Variants in PNOC observed in about 807,000 individuals in gnomAD.
PNOC encodes the protein nociceptin.
PNOC carries 10 observed loss-of-function variants against 15.6 expected under a neutral mutation model. That is an observed-to-expected ratio of 0.64 (90% confidence interval 0.40 to 1.09). PNOC has a LOEUF of 1.09. Ranked by LOEUF, PNOC falls within the 50% of genes least tolerant of loss-of-function variation. The probability of loss-of-function intolerance (pLI) is 0.01; values close to 1 mark genes in which losing one functional copy is unlikely to be tolerated. For synonymous variants in PNOC, 98 were observed against 88.5 expected, an observed-to-expected ratio of 1.11 and a Z score of -0.60; for missense variants, 220 against 223.9, an observed-to-expected ratio of 0.98 and a Z score of 0.11.
chr8:28,328,846 G>C (rs543037332), intron 1 of PNOC, among the ~76,000 whole-genome samples: 1 of 152,110 alleles, frequency 6.6e-6, no homozygotes, highest in Non-Finnish European at 1.5e-5. Flanking sequence ...ATGAGGTGTC[G>C]AGGCCAGCCA....
At chr8:28,318,013 G>C (rs540892466) in intron 1 of PNOC, among the ~76,000 whole-genome samples, 2 of 152,170 alleles carry the variant, frequency 1.3e-5, no homozygotes, top group East Asian at 3.9e-4. Context: ...TCATTTAGAG[G>C]GCTCTTCTCT....
At chr8:28,339,592 CT>C (rs1801480055) in intron 3 of PNOC, 101 bp downstream of exon 3, 1 of 931,612 alleles carries the variant, frequency 1.1e-6, no homozygotes, top group Admixed American at 3.3e-5. Context: ...TCCCCGCCCC[CT>C]CCCCACTCCA....
chr8:28,324,774 A>T (rs1326887640), intron 1 of PNOC, among the ~76,000 whole-genome samples: 1 of 152,046 alleles, frequency 6.6e-6, no homozygotes, highest in Non-Finnish European at 1.5e-5. Flanking sequence ...GAGGCAAGAG[A>T]ATTGCTTGAA....
At position 28,339,032 on chromosome 8, in the gene PNOC, C is replaced by G; in HGVS notation, c.127-8C>G. The stretch of plus-strand genomic sequence containing the variant: ...CCTTCTCCCCTCCTCTCACCCGTAT[C>G]TTTGCAGGTGTGCATCCTCGAGTGT... On this transcript the variant is annotated splice_region_variant and splice_polypyrimidine_tract_variant and intron_variant, in intron 2 of 3. Transcript: ENST00000301908. The G allele has an allele frequency of 6.4e-7, 1 of 1,572,988 alleles. No individual in the cohort carries two copies.
rs184278976 is a variant in PNOC at position 28,331,460 on chromosome 8, C to T, written c.126+2177C>T. On this transcript the variant is annotated intron_variant, in intron 2 of 3. Transcript: ENST00000301908. ...CCACTCCCTACACATAAAGGATCGC[C>T]AAGATTCTCTGCTTTTCACCTCCCT... 2.6e-5 allele frequency among the ~76,000 whole-genome samples: 4 copies of T among 152,214 alleles called. No homozygotes were observed. In the East Asian group the frequency reaches 7.7e-4, roughly 29 times the overall value.
chr8:28,338,933 T>A (rs1801460959), intron 2 of PNOC, 107 bp from the exon 3 acceptor site: 3 of 1,146,200 alleles, frequency 2.6e-6, no homozygotes, highest in African/African-American at 3.1e-5. Context: ...ATAACTTAGA[T>A]GCTTCAGAAG....
intron 2 of PNOC, among the ~76,000 whole-genome samples, chr8:28,337,424 C>T (rs987478449): frequency 3.9e-5 from 6 of 152,022 alleles, no homozygotes; most frequent in African/African-American, 1.4e-4. Flanking sequence ...TTCAGCCTCC[C>T]CAGTAGCTGG....
At chr8:28,341,993 A>G (rs990001264) in intron 3 of PNOC, among the ~76,000 whole-genome samples, 2 of 152,118 alleles carry the variant, frequency 1.3e-5, no homozygotes, top group African/African-American at 2.4e-5. Context: ...CCTAATACTA[A>G]TAGACATGGA....
At chr8:28,333,221 C>A (rs75636808) in intron 2 of PNOC, among the ~76,000 whole-genome samples, 1 of 152,098 alleles carries the variant, frequency 6.6e-6, no homozygotes. Flanking sequence ...TCCTTTCATC[C>A]CCAATGGGTT....
At chr8:28,342,783 C>T (rs932908555) in intron 3 of PNOC, among the ~76,000 whole-genome samples, 159 bp from the exon 4 acceptor site, 1 of 152,132 alleles carries the variant, frequency 6.6e-6, no homozygotes. Context: ...AGCAGATGTG[C>T]GGAGATGCTG....
rs28735697 is a variant in PNOC, at chr8:28,325,631, G to A, written c.-23-3504G>A. 7.9e-3 allele frequency among the ~76,000 whole-genome samples: 1,045 copies of A among 132,330 alleles called. 17 individuals are homozygous for A. The highest frequency in any genetic ancestry group is 0.028 in the African/African-American group (965 of 33,912). 86.8% of individuals were successfully genotyped at this position (132,330 alleles called of 152,430 possible). A position where few individuals can be genotyped will look rare whatever the true frequency, so the allele number is the denominator to read the frequency against. ...CGCGCCACTGCACTCCAGCCTGGGC[G>A]ACAGAGTGAGACTCTGTCTCAAAAA... On this transcript the variant is annotated intron_variant, in intron 1 of 3. Coordinates refer to ENST00000301908, the MANE Select transcript of PNOC (RefSeq NM_006228.5).
chr8:28,320,092 C>CTTTTTTTTTTTTTTTTTTTTT lies in PNOC; in HGVS notation c.-24+2785_-24+2805dup, dbSNP rs34876964. 2.0e-4 allele frequency among the ~76,000 whole-genome samples: 6 copies of CTTTTTTTTTTTTTTTTTTTTT among 29,728 alleles called. 2 individuals are homozygous for CTTTTTTTTTTTTTTTTTTTTT. Among genetic ancestry groups the CTTTTTTTTTTTTTTTTTTTTT allele is most frequent in the Non-Finnish European group, 3.5e-4 (6 of 16,924 alleles). 19.5% of individuals were successfully genotyped at this position (29,728 alleles called of 152,430 possible). A position where few individuals can be genotyped will look rare whatever the true frequency, so the allele number is the denominator to read the frequency against. On this transcript the variant is annotated intron_variant, in intron 1 of 3. Coordinates refer to ENST00000301908, the MANE Select transcript of PNOC (RefSeq NM_006228.5). Reference sequence around the variant, plus strand: ...TGTTTGTTTCTTTCTTTCTTTCTTTCTTTTTTTTTTTTTTTTTTTTTTTTT... The same window carrying CTTTTTTTTTTTTTTTTTTTTT: ...TGTTTGTTTCTTTCTTTCTTTCTTTCTTTTTTTTTTTTTTTTTTTTTTTTTTTTTTTTTTTTTTTTTTTTTT...
At chr8:28,323,409 T>A (rs1233978022) in intron 1 of PNOC, among the ~76,000 whole-genome samples, 1 of 152,258 alleles carries the variant, frequency 6.6e-6, no homozygotes, top group Non-Finnish European at 1.5e-5. Context: ...GATTTACTGA[T>A]GTTTGCTATG....
At chr8:28,337,382 C>T (rs1801428647) in intron 2 of PNOC, among the ~76,000 whole-genome samples, 2 of 152,238 alleles carry the variant, frequency 1.3e-5, no homozygotes, top group Middle Eastern at 3.4e-3. Context: ...TCACCGCAAC[C>T]TCCGCCTCCC....
At chr8:28,330,410 T>TTTTTTTTTTTTTTTTTTTTTTTTG in intron 2 of PNOC, among the ~76,000 whole-genome samples, 1 of 142,194 alleles carries the variant, frequency 7.0e-6, no homozygotes, top group Middle Eastern at 3.5e-3. Context: ...TTTTTTTTTT[T>TTTTTTTTTTTTTTTTTTTTTTTTG]TTGAGACGGA....
At chr8:28,336,050 G>A (rs186692589) in intron 2 of PNOC, among the ~76,000 whole-genome samples, 146 of 152,286 alleles carry the variant, frequency 9.6e-4, no homozygotes, top group African/African-American at 3.4e-3. Context: ...CACTAGGGGC[G>A]TCCCAGTCCT....
intron 1 of PNOC, among the ~76,000 whole-genome samples, chr8:28,318,857 C>T (rs139692467): frequency 6.6e-6 from 1 of 152,206 alleles, no homozygotes; most frequent in Non-Finnish European, 1.5e-5. Context: ...AGAGTACTTA[C>T]GGATTTGTAA....
Position 28,329,145 on chromosome 8 carries a change from C to A in PNOC, c.-13C>A. 4 of 1,613,210 alleles carry A rather than the reference C, an allele frequency of 2.5e-6. No individual in the cohort carries two copies. Among genetic ancestry groups the A allele is most frequent in the Non-Finnish European group, 3.4e-6 (4 of 1,180,004 alleles). On this transcript the variant is annotated 5_prime_UTR_variant, in exon 2 of 4. It adds an upstream start codon to the 5' untranslated region. Coordinates refer to ENST00000301908, the MANE Select transcript of PNOC (RefSeq NM_006228.5). ...TCCTGTATGTTCCAGCACCTGCTTC[C>A]TGCTCCTGCACCATGAAAGTCCTGC...
chr8:28,332,267 C>G (rs1439771879), intron 2 of PNOC, among the ~76,000 whole-genome samples: 1 of 152,140 alleles, frequency 6.6e-6, no homozygotes, highest in Non-Finnish European at 1.5e-5. Flanking sequence ...CACTCAAATC[C>G]ATTTCCAAAT....
Sources: gnomAD v4.1 joint callset for allele counts (sites outside exome capture counted in the v4.1 genomes callset) on GRCh38, gnomAD v4.1.1 for gene constraint, MANE v1.5 for transcripts, NCBI Gene and HGNC (gene_info 2026-07-23, HGNC 2026-07-21) for gene names.